The following SFXN5 variants were observed in gnomAD, a reference collection of about 807,000 sequenced individuals.
SFXN5 encodes the protein sideroflexin 5.
A neutral mutation model predicts 50.2 loss-of-function variants in SFXN5; 43 were observed. That is an observed-to-expected ratio of 0.86 (90% CI 0.67 to 1.11). The LOEUF is 1.11. SFXN5 is among the 50% of genes least tolerant of loss of function. The pLI is 0.00. For synonymous variants in SFXN5, 203 were observed against 185.8 expected (o/e 1.09, Z -0.75); for missense variants, 463 against 454.1 (o/e 1.02, Z -0.18).
At chr2:73,038,260 G>A (rs1018905759) in intron 3 of SFXN5, among the ~76,000 whole-genome samples, 2 of 152,118 alleles carry the variant, frequency 1.3e-5, no homozygotes, top group African/African-American at 2.4e-5. Flanking sequence ...GTATGTAAAC[G>A]GTTTGTGTAT....
At chr2:73,042,419 C>A (rs1324729253) in intron 2 of SFXN5, 1 of 151,730 alleles carries the variant, frequency 6.6e-6, no homozygotes, top group African/African-American at 2.4e-5. Context: ...TCAAGACCAG[C>A]CTGACCAACA....
rs185631217 is a variant in SFXN5, at chr2:72,942,712, C to T, written c.*2310G>A. ...GCTATCTGGATCCTTTGCCACTGCA[C>T]CGCCACAGGAGCAGACCCCTTGGCT... On this transcript the variant is annotated 3_prime_UTR_variant, in exon 14 of 14. Coordinates refer to ENST00000272433, the MANE Select transcript of SFXN5 (RefSeq NM_144579.3). The T allele has an allele frequency of 1.3e-5, 2 of 152,452 alleles. No individual in the cohort carries two copies. The highest frequency in any genetic ancestry group is 1.9e-4 in the East Asian group (1 of 5,180). The allele number at this position is 152,452 out of a possible 1,614,324, so 9.4% of individuals were successfully genotyped here. A position where few individuals can be genotyped will look rare whatever the true frequency, so the allele number is the denominator to read the frequency against.
chr2:73,047,401 G>A (rs1278500594), intron 2 of SFXN5, among the ~76,000 whole-genome samples: 4 of 147,582 alleles, frequency 2.7e-5, no homozygotes, highest in African/African-American at 7.5e-5. Flanking sequence ...GTGTGTGTGT[G>A]TATATACATA....
intron 5 of SFXN5, among the ~76,000 whole-genome samples, chr2:73,021,660 G>C (rs922385509): frequency 6.6e-6 from 1 of 152,164 alleles, no homozygotes; most frequent in African/African-American, 2.4e-5. Flanking sequence ...GACCCTGAGG[G>C]ACCCATTTGA....
rs1425044973 is a variant in SFXN5, at chr2:73,047,234, AAAAAAAAAAAAATAT to A, written c.172-6318_172-6304del. 8.5e-3 allele frequency among the ~76,000 whole-genome samples: 565 copies of A among 66,506 alleles called. 6 individuals are homozygous for A. The highest frequency in any genetic ancestry group is 0.011 in the Non-Finnish European group (444 of 38,714). 43.6% of individuals were successfully genotyped at this position (66,506 alleles called of 152,430 possible). ...CTCCATCTCGTAAAAAAAAAAAAAA[AAAAAAAAAAAAATAT>A]ATATATATATATATATATATATATA... On this transcript the variant is annotated intron_variant, in intron 2 of 13. Transcript: ENST00000272433.
intron 6 of SFXN5, among the ~76,000 whole-genome samples, chr2:73,012,731 A>T (rs1413559536): frequency 6.6e-6 from 1 of 150,846 alleles, no homozygotes; most frequent in African/African-American, 2.4e-5. Context: ...AGTATAATAC[A>T]GGTGTTAAGA....
chr2:72,971,493 G>A, intron 11 of SFXN5, 77 bp downstream of exon 11: 5 of 1,013,098 alleles, frequency 4.9e-6, no homozygotes, highest in Non-Finnish European at 7.6e-6. Flanking sequence ...AGAAGCCTGT[G>A]GAAGACACAC....
chr2:72,985,944 GC>G (rs1366466542), intron 10 of SFXN5, among the ~76,000 whole-genome samples: 3 of 152,290 alleles, frequency 2.0e-5, no homozygotes, highest in African/African-American at 7.2e-5. Context: ...GCTGGAATGG[GC>G]CCCCGGCAAA....
At chr2:73,007,574 C>A (rs1674871469) in intron 6 of SFXN5, among the ~76,000 whole-genome samples, 1 of 152,102 alleles carries the variant, frequency 6.6e-6, no homozygotes, top group African/African-American at 2.4e-5. Flanking sequence ...GAAAGTTTAT[C>A]TTCCTCGAGA....
intron 6 of SFXN5, among the ~76,000 whole-genome samples, chr2:73,008,001 G>A (rs531913921): frequency 6.6e-6 from 1 of 152,324 alleles, no homozygotes; most frequent in African/African-American, 2.4e-5. Context: ...CTGGAGGAAG[G>A]CCAGGGAGAA....
intron 9 of SFXN5, chr2:72,998,714 C>A: frequency 1.8e-6 from 1 of 548,796 alleles, no homozygotes; most frequent in Non-Finnish European, 3.3e-6. Flanking sequence ...CCTCAGTGCC[C>A]CCAGGCACAA....
rs775201005 is a variant in SFXN5 at position 72,992,613 on chromosome 2, C to T, written c.535-4265G>A. Among the ~76,000 whole-genome samples the T allele has an allele frequency of 1.2e-4, 19 of 152,350 alleles. No individual in the cohort carries two copies. The highest frequency in any genetic ancestry group is 2.2e-4 in the Non-Finnish European group (15 of 68,032). On this transcript the variant is annotated intron_variant, in intron 9 of 13. Coordinates refer to ENST00000272433, the MANE Select transcript of SFXN5 (RefSeq NM_144579.3). This position sits in a 1 kb window ranked among gnomAD's most constrained non-coding sequence, Gnocchi z 4.5. ...CTCACAGCGTTCTGGGCAGGAGCCT[C>T]CTGGGGCCCACGTGTAACCATGGCT...
intron 1 of SFXN5, among the ~76,000 whole-genome samples, chr2:73,062,099 AGAGT>A (rs1290561290): frequency 6.6e-6 from 1 of 152,222 alleles, no homozygotes; most frequent in African/African-American, 2.4e-5. Flanking sequence ...CCTGGGTGAC[AGAGT>A]GAGAGCCTGT....
At chr2:73,015,990 T>A (rs1479510165) in intron 6 of SFXN5, among the ~76,000 whole-genome samples, 5 of 152,122 alleles carry the variant, frequency 3.3e-5, no homozygotes, top group Admixed American at 6.5e-5. Context: ...TAGGCAGTTT[T>A]GGTAAGCTGT....
intron 9 of SFXN5, 58 bp from the exon 10 acceptor site, chr2:72,988,406 G>T: frequency 2.7e-6 from 4 of 1,463,998 alleles, no homozygotes; most frequent in Non-Finnish European, 3.8e-6. Flanking sequence ...GTGGCTTGTG[G>T]GAGGAGGGGG....
At chr2:73,008,806 TC>T (rs1271088367) in intron 6 of SFXN5, among the ~76,000 whole-genome samples, 2 of 152,166 alleles carry the variant, frequency 1.3e-5, no homozygotes. Flanking sequence ...GGGAAAAAGT[TC>T]CCATCTTCAA....
At position 73,071,593 on chromosome 2, in the gene SFXN5, C is replaced by T. The variant is rs1356562161; in HGVS notation, c.102+11G>A. ...CACCCGCCGGCCCGCAGACCACAGC[C>T]CGGTCCTCACCTGCTGGAAGCGGGG... On this transcript the variant is annotated intron_variant, in intron 1 of 13. Transcript: ENST00000272433. 1.9e-6 allele frequency: 3 copies of T among 1,612,704 alleles called. No homozygotes were observed. In the South Asian group the frequency reaches 3.3e-5, roughly 18 times the overall value.
intron 9 of SFXN5, chr2:72,998,675 C>T: frequency 2.1e-6 from 1 of 475,768 alleles, no homozygotes; most frequent in Non-Finnish European, 3.8e-6. Flanking sequence ...TGCTGGGCAA[C>T]CGCAGCCCCA....
intron 6 of SFXN5, among the ~76,000 whole-genome samples, chr2:73,007,818 G>T (rs1215356965): frequency 6.6e-6 from 1 of 152,120 alleles, no homozygotes. Flanking sequence ...TGTGGCTAAT[G>T]ATCTGAAAGT....
Sources: gnomAD v4.1 joint callset for allele counts (sites outside exome capture counted in the v4.1 genomes callset) on GRCh38, gnomAD v4.1.1 for gene constraint, Gnocchi (gnomAD v3.1) non-coding constraint, MANE v1.5 for transcripts, NCBI Gene and HGNC (gene_info 2026-07-23, HGNC 2026-07-21) for gene names.